The following CAPG variants were observed in gnomAD, a reference collection of about 807,000 sequenced individuals.
CAPG encodes the protein capping actin protein, gelsolin like, also known as macrophage-capping protein.
Under a neutral mutation model 44.6 loss-of-function variants are expected in CAPG, and 32 were observed. The observed-to-expected ratio is 0.72, with a 90% confidence interval of 0.54 to 0.96. The LOEUF (loss-of-function observed/expected upper bound fraction) is 0.96, where lower values mean the gene tolerates loss of function less well. CAPG is among the 50% of genes least tolerant of loss of function. The probability of loss-of-function intolerance (pLI) is 0.00; values close to 1 mark genes in which losing one functional copy is unlikely to be tolerated. For synonymous variants in CAPG, 175 were observed against 179.6 expected (o/e 0.97, Z 0.20); for missense variants, 412 against 438.3 (o/e 0.94, Z 0.54).
upstream of CAPG, among the ~76,000 whole-genome samples, chr2:85,410,901 C>T (rs1476213776): frequency 1.3e-5 from 2 of 150,202 alleles, no homozygotes; most frequent in East Asian, 2.0e-4. Flanking sequence ...TTCACTGTCA[C>T]GCAAGCTGGA....
chr2:85,402,214 C>G, intron 1 of CAPG, 56 bp from the exon 2 acceptor site: 1 of 1,460,772 alleles, frequency 6.8e-7, no homozygotes. Context: ...GGACCTCTCA[C>G]GTGGGGCTGG....
intron 1 of CAPG, among the ~76,000 whole-genome samples, chr2:85,407,222 G>A (rs762576558): frequency 5.9e-5 from 9 of 152,054 alleles, no homozygotes; most frequent in East Asian, 1.9e-4. Flanking sequence ...GAGGCACTGC[G>A]CCTGGGCCAT....
rs746092989 is a variant in CAPG, at chr2:85,402,025, G to A, written c.24-68C>T. ...CCCAAGCACAGCCCTGGGCAGGCCT[G>A]GCGACTGCAGTCTGGGGATGAGGAG... On this transcript the variant is annotated intron_variant, in intron 2 of 9. Transcript: ENST00000263867. 1,387 of 1,610,706 alleles carry A rather than the reference G, an allele frequency of 8.6e-4. 2 individuals are homozygous for A. The highest frequency in any genetic ancestry group is 1.0e-3 in the Non-Finnish European group (1,202 of 1,177,064).
Position 85,406,654 on chromosome 2 carries a change from T to C in CAPG, c.-14+3663A>G, listed in dbSNP as rs184667502. ...CGGGCAGATCACCTGAGGTCGGGAG[T>C]TCGAGACCAGCCTGACCAACATGGA... On this transcript the variant is annotated intron_variant, in intron 1 of 9. Coordinates refer to ENST00000263867, the MANE Select transcript of CAPG (RefSeq NM_001747.4). Among the ~76,000 whole-genome samples the C allele has an allele frequency of 3.8e-3, 575 of 151,598 alleles. 8 individuals are homozygous for C. The highest frequency in any genetic ancestry group is 0.013 in the African/African-American group (542 of 41,318).
chr2:85,403,601 C>A (rs1687008853), intron 1 of CAPG, among the ~76,000 whole-genome samples: 1 of 152,044 alleles, frequency 6.6e-6, no homozygotes, highest in Non-Finnish European at 1.5e-5. Flanking sequence ...AAAATTAACA[C>A]AATTTGGCTG....
intron 1 of CAPG, among the ~76,000 whole-genome samples, chr2:85,407,712 CAAAAAAAA>C (rs60228110): frequency 7.7e-5 from 7 of 91,156 alleles, no homozygotes; most frequent in Non-Finnish European, 2.1e-5. Flanking sequence ...GACTCTGTCT[CAAAAAAAA>C]AAAAAAAAAA....
chr2:85,417,953 C>T (rs1410161348), intron 1 of CAPG, among the ~76,000 whole-genome samples: 2 of 152,144 alleles, frequency 1.3e-5, no homozygotes, highest in African/African-American at 4.8e-5. Flanking sequence ...GTCGTTAAAG[C>T]AGAGTTGTAG....
At chr2:85,396,412 G>C (rs1686601132) in intron 8 of CAPG, among the ~76,000 whole-genome samples, 2 of 151,966 alleles carry the variant, frequency 1.3e-5, no homozygotes, top group Admixed American at 6.6e-5. Context: ...CAGGCTGCCA[G>C]ACATTTTTCC....
At chr2:85,402,038 T>G in intron 2 of CAPG, 81 bp from the exon 3 acceptor site, 1 of 1,609,906 alleles carries the variant, frequency 6.2e-7, no homozygotes. Context: ...GACTGCAGTC[T>G]GGGGATGAGG....
At position 85,398,786 on chromosome 2, in the gene CAPG, C is replaced by A; in HGVS notation, c.667-4G>T. 1 of 1,594,526 alleles carries A rather than the reference C, an allele frequency of 6.3e-7. No homozygotes were observed. The highest frequency in any genetic ancestry group is 1.8e-5 in the Admixed American group (1 of 57,138). ...GAGCAGGCTTGGGGCCCAGGACCTG[C>A]AGGGGCCAGGGCAGGCCAGGTTTAT... On this transcript the variant is annotated splice_polypyrimidine_tract_variant and splice_region_variant and intron_variant, in intron 6 of 9. Transcript: ENST00000263867.
At chr2:85,414,915 A>C (rs1180113230), upstream of CAPG, among the ~76,000 whole-genome samples, 2 of 152,230 alleles carry the variant, frequency 1.3e-5, no homozygotes, top group Non-Finnish European at 2.9e-5. Flanking sequence ...CCAACCCATG[A>C]GAGATGTCAG....
chr2:85,417,974 A>T (rs181160623), intron 1 of CAPG, among the ~76,000 whole-genome samples: 16 of 152,198 alleles, frequency 1.1e-4, no homozygotes, highest in African/African-American at 3.4e-4. Context: ...GCCAGGGTGG[A>T]CCATAGGTTT....
At chr2:85,401,745 C>A (rs1452945757) in intron 3 of CAPG, 40 bp downstream of exon 3, 3 of 1,612,862 alleles carry the variant, frequency 1.9e-6, no homozygotes, top group South Asian at 2.2e-5. Context: ...CCCTCCCTCC[C>A]CTTCCTGGGC....
At chr2:85,400,843 T>C (rs147250709) in intron 5 of CAPG, among the ~76,000 whole-genome samples, 2 of 152,168 alleles carry the variant, frequency 1.3e-5, no homozygotes, top group Non-Finnish European at 2.9e-5. Flanking sequence ...ATGGTCCCTG[T>C]GCTGGCTCAG....
chr2:85,417,569 G>A (rs778562613), intron 1 of CAPG, among the ~76,000 whole-genome samples: 18 of 140,534 alleles, frequency 1.3e-4, no homozygotes, highest in Middle Eastern at 8.1e-3. Flanking sequence ...TGCAAACTCC[G>A]CCTCCTGAGT....
At chr2:85,398,627 C>T in intron 7 of CAPG, 63 bp downstream of exon 7, 1 of 1,338,560 alleles carries the variant, frequency 7.5e-7, no homozygotes, top group Admixed American at 2.0e-5. Flanking sequence ...TTGCATGCAG[C>T]TGTGCTGTGC....
At chr2:85,408,999 C>G (rs547755135) in intron 1 of CAPG, among the ~76,000 whole-genome samples, 1 of 152,314 alleles carries the variant, frequency 6.6e-6, no homozygotes, top group African/African-American at 2.4e-5. Context: ...CCTTACCAAA[C>G]AGCCTCTTCT....
downstream of CAPG, among the ~76,000 whole-genome samples, chr2:85,394,261 G>A (rs1345156582): frequency 2.6e-5 from 4 of 152,262 alleles, no homozygotes; most frequent in African/African-American, 9.6e-5. Flanking sequence ...CCAGACTGAA[G>A]ACTGTCCATG....
At position 85,398,154 on chromosome 2, in the gene CAPG, T is replaced by G. The variant is rs1686694899; in HGVS notation, c.760-2A>C. 1 of 1,612,900 alleles carries G rather than the reference T, an allele frequency of 6.2e-7. No individual in the cohort carries two copies. The highest frequency in any genetic ancestry group is 1.3e-5 in the African/African-American group (1 of 74,874). On this transcript the variant is annotated splice_acceptor_variant, in intron 7 of 9. Transcript: ENST00000263867. LOFTEE classifies it high-confidence loss of function. ...CATCTGTCCAGTGGCATCAGAGACCTGGGGAGGAGGGACAGTGCCTGATCT... is the reference window on the plus strand; with the variant it reads ...CATCTGTCCAGTGGCATCAGAGACCGGGGGAGGAGGGACAGTGCCTGATCT...
Sources: gnomAD v4.1 joint callset for allele counts (sites outside exome capture counted in the v4.1 genomes callset) on GRCh38, gnomAD v4.1.1 for gene constraint, MANE v1.5 for transcripts, NCBI Gene and HGNC (gene_info 2026-07-23, HGNC 2026-07-21) for gene names.